Variants in NECTIN1 observed in about 807,000 individuals in gnomAD.
The protein encoded by NECTIN1 is nectin cell adhesion molecule 1.
NECTIN1 carries 23 observed loss-of-function variants against 48.0 expected under a neutral mutation model. That is an observed-to-expected ratio of 0.48 (90% CI 0.34 to 0.68). The LOEUF (loss-of-function observed/expected upper bound fraction) is 0.68, where lower values mean the gene tolerates loss of function less well. Among genes scored for constraint, NECTIN1 ranks in the 30% least tolerant of loss-of-function variants. The pLI is 0.01. For missense variants in NECTIN1, 591 were observed against 709.9 expected (o/e 0.83, Z 1.90); for synonymous variants, 270 against 288.9 (o/e 0.93, Z 0.66).
intron 1 of NECTIN1, among the ~76,000 whole-genome samples, chr11:119,717,283 C>T (rs1315008557): frequency 6.6e-6 from 1 of 152,196 alleles, no homozygotes; most frequent in Non-Finnish European, 1.5e-5. Context: ...AGGGGGCTGT[C>T]GCACACGTTC....
chr11:119,668,955 C>T (rs1332123530), intron 5 of NECTIN1, among the ~76,000 whole-genome samples: 1 of 152,172 alleles, frequency 6.6e-6, no homozygotes, highest in Non-Finnish European at 1.5e-5. Flanking sequence ...TTTGTGCTTT[C>T]TTCAACAGCA....
Position 119,677,049 on chromosome 11 carries a change from C to T in NECTIN1, c.851+53G>A, listed in dbSNP as rs368346492. ...GGTAGGATGGTTGCCCCTCATCACC[C>T]GTGGTCCAGTCAGCTGTCTTCCAAG... On this transcript the variant is annotated intron_variant, in intron 4 of 5. Coordinates refer to ENST00000264025, the MANE Select transcript of NECTIN1 (RefSeq NM_002855.5). This position sits in a 1 kb window ranked among gnomAD's most constrained non-coding sequence, Gnocchi z 5.4. The T allele has an allele frequency of 1.2e-5, 18 of 1,487,452 alleles. No individual in the cohort carries two copies. The highest frequency in any genetic ancestry group is 4.5e-5 in the East Asian group (2 of 44,242). The allele number at this position is 1,487,452 out of a possible 1,614,324, so 92.1% of individuals were successfully genotyped here.
intron 1 of NECTIN1, among the ~76,000 whole-genome samples, chr11:119,696,339 C>G (rs1215414599): frequency 6.6e-6 from 1 of 152,176 alleles, no homozygotes; most frequent in Non-Finnish European, 1.5e-5. Context: ...ATGGGCAGCA[C>G]CCTACCCCCA....
At chr11:119,658,758 C>G (rs1271295267), downstream of NECTIN1, among the ~76,000 whole-genome samples, 1 of 152,192 alleles carries the variant, frequency 6.6e-6, no homozygotes, top group Non-Finnish European at 1.5e-5. Context: ...TGTAAGGGAA[C>G]AGAAGTTTGT....
chr11:119,725,445 C>A (rs1176094710), intron 1 of NECTIN1, among the ~76,000 whole-genome samples: 1 of 152,226 alleles, frequency 6.6e-6, no homozygotes, highest in Admixed American at 6.5e-5. Flanking sequence ...ATCTCCTCTT[C>A]CCCTCCAGCC....
intron 1 of NECTIN1, among the ~76,000 whole-genome samples, chr11:119,700,859 C>T (rs990582916): frequency 2.6e-4 from 40 of 152,148 alleles, no homozygotes; most frequent in African/African-American, 8.2e-4. Context: ...ATCAACTCTG[C>T]GAAACAAATC....
chr11:119,660,114 T>G (rs1244073387), downstream of NECTIN1, among the ~76,000 whole-genome samples: 2 of 152,134 alleles, frequency 1.3e-5, no homozygotes, highest in Non-Finnish European at 2.9e-5. Context: ...GCAGGAGGGT[T>G]TTCTGCTAAG....
At chr11:119,699,379 C>A (rs1402081036) in intron 1 of NECTIN1, among the ~76,000 whole-genome samples, 1 of 152,192 alleles carries the variant, frequency 6.6e-6, no homozygotes, top group Non-Finnish European at 1.5e-5. Flanking sequence ...CGGCCCCCGG[C>A]CAGCAGACGC....
At chr11:119,674,423 A>G (rs932824935) in intron 5 of NECTIN1, 17 of 1,541,410 alleles carry the variant, frequency 1.1e-5, no homozygotes, top group Non-Finnish European at 1.3e-5. Context: ...TTATTGACAG[A>G]CTGATCTGTG....
At chr11:119,688,250 T>C (rs1865193305) in intron 1 of NECTIN1, among the ~76,000 whole-genome samples, 1 of 152,182 alleles carries the variant, frequency 6.6e-6, no homozygotes, top group Non-Finnish European at 1.5e-5. Context: ...GCGTAGTGCT[T>C]GGCCCATAGC....
At chr11:119,638,622 G>T in intron 7 of NECTIN1, 1 of 1,015,578 alleles carries the variant, frequency 9.8e-7, no homozygotes, top group Non-Finnish European at 1.5e-6. Context: ...ACTGGACCAT[G>T]AAGGCGTGGC....
downstream of NECTIN1, among the ~76,000 whole-genome samples, chr11:119,657,343 CG>C (rs1864591848): frequency 6.6e-6 from 1 of 152,068 alleles, no homozygotes; most frequent in Non-Finnish European, 1.5e-5. Context: ...GGGCCAGGTG[CG>C]GTGACTTATG....
At chr11:119,680,021 C>G (rs1316858115) in intron 1 of NECTIN1, among the ~76,000 whole-genome samples, 1 of 152,220 alleles carries the variant, frequency 6.6e-6, no homozygotes, top group Non-Finnish European at 1.5e-5. Flanking sequence ...CTCTGTATCC[C>G]CAGTGCCCAG....
In NECTIN1 at chr11:119,662,720, T is replaced by C. The variant is rs1864689101; in HGVS notation, c.*2027A>G. The C allele has an allele frequency of 1.0e-6, 1 of 985,236 alleles. No homozygotes were observed. Among genetic ancestry groups the C allele is most frequent in the Non-Finnish European group, 1.2e-6 (1 of 829,990 alleles). The allele number at this position is 985,236 out of a possible 1,614,324, so 61.0% of individuals were successfully genotyped here. ...GTGATGTAATGTGGAAAAGGTCCCC[T>C]GTCCTGGGGGACACTAATACTGCTG... On this transcript the variant is annotated 3_prime_UTR_variant, in exon 6 of 6. Coordinates refer to ENST00000264025, the MANE Select transcript of NECTIN1 (RefSeq NM_002855.5). This position sits in a 1 kb window ranked among gnomAD's most constrained non-coding sequence, Gnocchi z 5.3.
intron 1 of NECTIN1, chr11:119,713,924 G>A (rs1245121552): frequency 4.4e-6 from 2 of 454,060 alleles, no homozygotes; most frequent in Non-Finnish European, 8.9e-6. Flanking sequence ...GCAAGCCTGG[G>A]GACTTGGGGA....
chr11:119,669,566 TTTTCCACACA>T (rs1864833824), intron 5 of NECTIN1, among the ~76,000 whole-genome samples: 1 of 152,196 alleles, frequency 6.6e-6, no homozygotes, highest in African/African-American at 2.4e-5. Context: ...CTGTGGACTG[TTTTCCACACA>T]GCAGCCAGAC....
At position 119,648,265 on chromosome 11, in the gene NECTIN1, G is replaced by GTGGTGGTGGTGA. The variant is rs1406525947; in HGVS notation, c.1004-8265_1004-8254dup. ...AGTGGTGGTGATAGAGGTGGTAATA[G>GTGGTGGTGGTGA]TGGTGGTGGTGATGGTGGTGGTGAT... is the stretch of plus-strand genomic sequence containing the variant. On this transcript the variant is annotated intron_variant, in intron 5 of 7. Coordinates refer to the NECTIN1 transcript ENST00000341398. Among the ~76,000 whole-genome samples the GTGGTGGTGGTGA allele has an allele frequency of 3.5e-4, 10 of 28,762 alleles. No homozygotes were observed. The South Asian group carries it at 8.9e-3, about 26-fold the overall frequency. The allele number at this position is 28,762 out of a possible 152,430, so 18.9% of individuals were successfully genotyped here.
In NECTIN1 at chr11:119,684,246, A is replaced by G. The variant is rs1239940509; in HGVS notation, c.80-5481T>C. Among the ~76,000 whole-genome samples the G allele has an allele frequency of 6.6e-6, 1 of 152,242 alleles. No individual in the cohort carries two copies. The highest frequency in any genetic ancestry group is 2.4e-5 in the African/African-American group (1 of 41,470). On this transcript the variant is annotated intron_variant, in intron 1 of 5. Transcript: ENST00000264025. The surrounding 1 kb of genome is among the most constrained non-coding windows in gnomAD (Gnocchi z 5.2). ...CGAGGGGGATTTGGGGCTTCCTGGC[A>G]TAAACCACTTCTTTTGTCCTGGCTG...
chr11:119,719,231 G>A (rs1357853506), intron 1 of NECTIN1, among the ~76,000 whole-genome samples: 1 of 152,206 alleles, frequency 6.6e-6, no homozygotes. Flanking sequence ...ACAACACCAG[G>A]TTATCGCTGC....
Sources: allele counts gnomAD v4.1 joint callset (sites outside exome capture counted in the v4.1 genomes callset), GRCh38; gene constraint gnomAD v4.1.1; non-coding constraint Gnocchi (gnomAD v3.1); transcripts MANE v1.5; gene names NCBI Gene and HGNC (gene_info 2026-07-23, HGNC 2026-07-21).